ZNF12: variants seen among roughly 807,000 people sequenced by gnomAD.
The protein encoded by ZNF12 is zinc finger protein 12, also known as gonadotropin inducible transcription repressor 3.
ZNF12 carries 34 observed loss-of-function variants against 66.6 expected under a neutral mutation model. That is an observed-to-expected ratio of 0.51 (90% CI 0.39 to 0.68). The LOEUF (loss-of-function observed/expected upper bound fraction) is 0.68, where lower values mean the gene tolerates loss of function less well. Ranked by LOEUF, ZNF12 falls within the 30% of genes least tolerant of loss-of-function variation. The probability of loss-of-function intolerance (pLI) is 0.00; values close to 1 mark genes in which losing one functional copy is unlikely to be tolerated. For synonymous variants in ZNF12, 320 were observed against 278.9 expected (o/e 1.15, Z -1.47); for missense variants, 697 against 826.9 (o/e 0.84, Z 1.93).
rs965851147 is a variant in ZNF12 at position 6,706,914 on chromosome 7, G to C, written c.-533C>G. 1 of 413,472 alleles carries C rather than the reference G, an allele frequency of 2.4e-6. No individual in the cohort carries two copies. The highest frequency in any genetic ancestry group is 4.8e-6 in the Non-Finnish European group (1 of 208,122). 25.6% of individuals were successfully genotyped at this position (413,472 alleles called of 1,614,324 possible). On this transcript the variant is annotated 5_prime_UTR_variant, in exon 1 of 5. Coordinates refer to ENST00000405858, the MANE Select transcript of ZNF12 (RefSeq NM_016265.4). ...CCAAAGCCTGGGAACTAGGGCGAGC[G>C]GTGACCTGGGGACGCACAGGAAGCG...
chr7:6,695,783 A>T lies in ZNF12; in HGVS notation c.238+1556T>A, dbSNP rs370387550. On this transcript the variant is annotated intron_variant, in intron 4 of 4. Coordinates refer to ENST00000405858, the MANE Select transcript of ZNF12 (RefSeq NM_016265.4). ...CCCTAGGTGAAACTGAAGTCGAGGG[A>T]AGGGAGATACAGAAGTCATGACAAA... Among the ~76,000 whole-genome samples, 6 of 152,230 alleles carry T rather than the reference A, an allele frequency of 3.9e-5. No individual in the cohort carries two copies. The South Asian group carries it at 1.2e-3, about 31-fold the overall frequency.
At chr7:6,695,847 G>A (rs1435858018) in intron 4 of ZNF12, among the ~76,000 whole-genome samples, 1 of 152,236 alleles carries the variant, frequency 6.6e-6, no homozygotes, top group Non-Finnish European at 1.5e-5. Flanking sequence ...CAGACTTAAA[G>A]AATGTGTTAT....
In ZNF12 at chr7:6,697,992, C is replaced by CAAACAAA; in HGVS notation, c.16-188_16-182dup. The CAAACAAA allele has an allele frequency of 1.2e-6, 1 of 865,652 alleles. No individual in the cohort carries two copies. Among genetic ancestry groups the CAAACAAA allele is most frequent in the Non-Finnish European group, 1.9e-6 (1 of 514,160 alleles). 53.6% of individuals were successfully genotyped at this position (865,652 alleles called of 1,614,324 possible). A position where few individuals can be genotyped will look rare whatever the true frequency, so the allele number is the denominator to read the frequency against. ...GTTCTGGGGTTCATTCAGTATACAT[C>CAAACAAA]AAACAAAAAACAAAAAACAAAAAAA... On this transcript the variant is annotated intron_variant, in intron 2 of 4. Coordinates refer to ENST00000405858, the MANE Select transcript of ZNF12 (RefSeq NM_016265.4). This position sits in a 1 kb window ranked among gnomAD's most constrained non-coding sequence, Gnocchi z 6.1.
At chr7:6,701,744 A>G (rs548310071) in intron 2 of ZNF12, among the ~76,000 whole-genome samples, 5 of 152,144 alleles carry the variant, frequency 3.3e-5, no homozygotes, top group African/African-American at 7.2e-5. Flanking sequence ...GACACCTCCA[A>G]CTGTTTGCAT....
chr7:6,695,778 G>A (rs10281898), intron 4 of ZNF12, among the ~76,000 whole-genome samples: 25,235 of 152,178 alleles, frequency 0.17, 2,686 homozygotes, highest in African/African-American at 0.3. Context: ...AACTGAAGTC[G>A]AGGGAAGGGA....
rs1333258799 is a variant in ZNF12, at chr7:6,688,917, G to C, written c.*1931C>G. On this transcript the variant is annotated 3_prime_UTR_variant, in exon 5 of 5. Transcript: ENST00000405858. This position sits in a 1 kb window ranked among gnomAD's most constrained non-coding sequence, Gnocchi z 4.3. ...CACGTTCCAAAGGTGAATTTTGCAG[G>C]TCAACGATATGACAGTTCAAGGAAG... 6.6e-6 allele frequency: 1 copy of C among 152,634 alleles called. No individual in the cohort carries two copies. Among genetic ancestry groups the C allele is most frequent in the Non-Finnish European group, 1.5e-5 (1 of 68,042 alleles). 9.5% of individuals were successfully genotyped at this position (152,634 alleles called of 1,614,324 possible).
At chr7:6,695,136 C>CA (rs1191393030) in intron 4 of ZNF12, among the ~76,000 whole-genome samples, 1 of 152,218 alleles carries the variant, frequency 6.6e-6, no homozygotes, top group Non-Finnish European at 1.5e-5. Context: ...AGGCTGGTCT[C>CA]AAACTCCTGA....
At position 6,691,438 on chromosome 7, in the gene ZNF12, A is replaced by AT; in HGVS notation, c.1503dup (p.Phe502IlefsTer12). On this transcript the variant is annotated frameshift_variant, in exon 5 of 5. Transcript: ENST00000405858. LOFTEE classifies it high-confidence loss of function. ...ATAGTGAGGTATGACAACTGGGAGA[A>AT]TAACTTTCCACATTCATTACATTCG... The AT allele has an allele frequency of 6.2e-7, 1 of 1,614,074 alleles. No homozygotes were observed. Among genetic ancestry groups the AT allele is most frequent in the Non-Finnish European group, 8.5e-7 (1 of 1,179,970 alleles).
intron 4 of ZNF12, among the ~76,000 whole-genome samples, chr7:6,694,384 G>GA (rs1252209851): frequency 1.3e-5 from 2 of 151,992 alleles, no homozygotes; most frequent in South Asian, 2.1e-4. Context: ...GATCAAATGA[G>GA]AAAAAAATCT....
Position 6,697,115 on chromosome 7 carries a change from C to T in ZNF12, c.238+224G>A, listed in dbSNP as rs1390520129. ...AGCAAAGACCCAAAGTTTAAGAGAA[C>T]AACAGAAGTGACTGGAATTCGATTC... is the stretch of plus-strand genomic sequence containing the variant. On this transcript the variant is annotated intron_variant, in intron 4 of 4. Transcript: ENST00000405858. The surrounding 1 kb of genome is among the most constrained non-coding windows in gnomAD (Gnocchi z 6.1). Among the ~76,000 whole-genome samples, 1 of 152,008 alleles carries T rather than the reference C, an allele frequency of 6.6e-6. No individual in the cohort carries two copies. The highest frequency in any genetic ancestry group is 1.5e-5 in the Non-Finnish European group (1 of 68,034).
At chr7:6,702,087 TAA>T (rs1780253545) in intron 2 of ZNF12, among the ~76,000 whole-genome samples, 1 of 152,052 alleles carries the variant, frequency 6.6e-6, no homozygotes, top group African/African-American at 2.4e-5. Flanking sequence ...TCCCCTGAGC[TAA>T]ATCCCAGCAC....
rs1012464046 is a variant in ZNF12 at position 6,698,156 on chromosome 7, C to T, written c.16-345G>A. On this transcript the variant is annotated intron_variant, in intron 2 of 4. Coordinates refer to ENST00000405858, the MANE Select transcript of ZNF12 (RefSeq NM_016265.4). The surrounding 1 kb of genome is among the most constrained non-coding windows in gnomAD (Gnocchi z 4.4). ...CCCCAGGATGCACTCTGCTTCTTTG[C>T]ACATTCTTCAATTTGCTTCTAGAAC... 3 of 466,514 alleles carry T rather than the reference C, an allele frequency of 6.4e-6. No homozygotes were observed. Among genetic ancestry groups the T allele is most frequent in the Non-Finnish European group, 1.2e-5 (3 of 243,642 alleles). The allele number at this position is 466,514 out of a possible 1,614,324, so 28.9% of individuals were successfully genotyped here.
At chr7:6,694,568 C>A (rs1053470015) in intron 4 of ZNF12, among the ~76,000 whole-genome samples, 2 of 152,104 alleles carry the variant, frequency 1.3e-5, no homozygotes, top group Non-Finnish European at 2.9e-5. Context: ...GCACTTTACA[C>A]CTTCTCATGT....
Position 6,696,811 on chromosome 7 carries a change from T to G in ZNF12, c.238+528A>C, listed in dbSNP as rs945635607. On this transcript the variant is annotated intron_variant, in intron 4 of 4. Transcript: ENST00000405858. The surrounding 1 kb of genome is among the most constrained non-coding windows in gnomAD (Gnocchi z 4.0). ...TTTCAGGAGGGCTGGGTCTCAGGAA[T>G]GAGCAGCACTGTCCAATGAAGCACA... 2.6e-5 allele frequency among the ~76,000 whole-genome samples: 4 copies of G among 152,060 alleles called. No homozygotes were observed. Among genetic ancestry groups the G allele is most frequent in the South Asian group, 4.1e-4 (2 of 4,820 alleles).
At position 6,698,794 on chromosome 7, in the gene ZNF12, T is replaced by C. The variant is rs769445919; in HGVS notation, c.16-983A>G. ...AAACTGTCAAAACCACATCTATAAA[T>C]GTGTATCTTTTGAATAAAGTGTCCC... is the stretch of plus-strand genomic sequence containing the variant. On this transcript the variant is annotated intron_variant, in intron 2 of 4. Transcript: ENST00000405858. The surrounding 1 kb of genome is among the most constrained non-coding windows in gnomAD (Gnocchi z 4.4). Among the ~76,000 whole-genome samples, 2 of 152,198 alleles carry C rather than the reference T, an allele frequency of 1.3e-5. No individual in the cohort carries two copies. The highest frequency in any genetic ancestry group is 4.8e-5 in the African/African-American group (2 of 41,440).
Position 6,692,240 on chromosome 7 carries a change from A to T in ZNF12, c.702T>A (p.Asn234Lys). The T allele has an allele frequency of 2.5e-6, 4 of 1,613,908 alleles. No individual in the cohort carries two copies. Among genetic ancestry groups the T allele is most frequent in the Non-Finnish European group, 3.4e-6 (4 of 1,179,832 alleles). Residue 234 changes from asparagine (N) to lysine (K), a missense_variant, in exon 5 of 5, where the codon AAT becomes AAA. Coordinates refer to ENST00000405858, the MANE Select transcript of ZNF12 (RefSeq NM_016265.4). This position sits in a 1 kb window ranked among gnomAD's most constrained non-coding sequence, Gnocchi z 5.1. ...KAFQKDTVFVNHMEEKPYKWN... is the reference protein window; with the variant it reads ...KAFQKDTVFVKHMEEKPYKWN... Reference sequence around the variant, plus strand: ...ACTTATAGGGCTTTTCTTCCATGTGATTAACAAAAACAGTGTCCTTTTGGA... The same window carrying T: ...ACTTATAGGGCTTTTCTTCCATGTGTTTAACAAAAACAGTGTCCTTTTGGA...
chr7:6,692,472 T>C lies in ZNF12; in HGVS notation c.470A>G (p.Asp157Gly), dbSNP rs1377768464. ...AGCTTTCATTCTTGCATAGCTTCCA[T>C]CACTACTAATATATTCTGAAACAGA... ...LTSVSEYISS[D>G]GSYARMKADE... is the part of the protein sequence containing the mutation. Residue 157 changes from aspartate (D) to glycine (G), a missense_variant, in exon 5 of 5, where the codon GAT (aspartate) becomes GGT (glycine). Transcript: ENST00000405858. This position sits in a 1 kb window ranked among gnomAD's most constrained non-coding sequence, Gnocchi z 5.1. 1 of 1,612,828 alleles carries C rather than the reference T, an allele frequency of 6.2e-7. No homozygotes were observed. The highest frequency in any genetic ancestry group is 8.5e-7 in the Non-Finnish European group (1 of 1,179,394).
rs1780204086 is a variant in ZNF12, at chr7:6,699,631, G to A, written c.16-1820C>T. ...CGGGAGAGTCTCGAAGTTCACGTATGGCATTGCCCTGCCTTGCTGAGCAAT... is the reference window on the plus strand; with the variant it reads ...CGGGAGAGTCTCGAAGTTCACGTATAGCATTGCCCTGCCTTGCTGAGCAAT... On this transcript the variant is annotated intron_variant, in intron 2 of 4. Coordinates refer to ENST00000405858, the MANE Select transcript of ZNF12 (RefSeq NM_016265.4). 2.0e-5 allele frequency among the ~76,000 whole-genome samples: 3 copies of A among 152,210 alleles called. No individual in the cohort carries two copies. In the South Asian group the frequency reaches 6.2e-4, roughly 32 times the overall value.
rs1413979638 is a variant in ZNF12 at position 6,691,339 on chromosome 7, C to G, written c.1603G>C (p.Ala535Pro). Reference sequence around the variant, plus strand: ...TGTATTCTCCGATGTCTACAAAGGGCTGAGTTCTGGTAGAAGGTTTTCCCA... The same window carrying G: ...TGTATTCTCCGATGTCTACAAAGGGGTGAGTTCTGGTAGAAGGTTTTCCCA... Reference protein sequence around the residue: ...ECGKTFYQNSALCRHRRIHKG... With the variant: ...ECGKTFYQNSPLCRHRRIHKG... Residue 535 changes from alanine (A) to proline (P), a missense_variant, in exon 5 of 5, where the codon GCC (alanine) becomes CCC (proline). Physicochemically the swap from Ala to Pro is conservative, Grantham distance 27. Transcript: ENST00000405858. 1 of 1,613,868 alleles carries G rather than the reference C, an allele frequency of 6.2e-7. No homozygotes were observed. The highest frequency in any genetic ancestry group is 2.2e-5 in the East Asian group (1 of 44,850).
Sources: allele counts gnomAD v4.1 joint callset (sites outside exome capture counted in the v4.1 genomes callset), GRCh38; gene constraint gnomAD v4.1.1; non-coding constraint Gnocchi (gnomAD v3.1); transcripts MANE v1.5; gene names NCBI Gene and HGNC (gene_info 2026-07-23, HGNC 2026-07-21).